Variants in ROBO2 observed in about 807,000 individuals in gnomAD.
The protein encoded by ROBO2 is roundabout guidance receptor 2, also known as roundabout homolog 2.
Under a neutral mutation model 160.8 loss-of-function variants are expected in ROBO2, and 53 were observed. The observed-to-expected ratio is 0.33, with a 90% CI of 0.26 to 0.41. ROBO2 has a LOEUF of 0.41. Ranked by LOEUF, ROBO2 falls within the 10% of genes least tolerant of loss-of-function variation. The pLI, the probability that ROBO2 is intolerant of heterozygous loss-of-function variation, is 1.00. For missense variants in ROBO2, 1,577 were observed against 1,722.4 expected (o/e 0.92, Z 1.49); for synonymous variants, 664 against 611.7 (o/e 1.09, Z -1.26).
chr3:77,283,778 A>G (rs1489987839), intron 2 of ROBO2, among the ~76,000 whole-genome samples: 2 of 152,122 alleles, frequency 1.3e-5, no homozygotes, highest in Non-Finnish European at 2.9e-5. Context: ...CTTTTTTTGC[A>G]GAAACTCCTT....
intron 2 of ROBO2, among the ~76,000 whole-genome samples, chr3:77,340,240 G>C (rs1355401414): frequency 6.6e-6 from 1 of 152,076 alleles, no homozygotes; most frequent in Non-Finnish European, 1.5e-5. Context: ...AATGCCTCCA[G>C]TTGGGTTTGC....
intron 2 of ROBO2, among the ~76,000 whole-genome samples, chr3:77,427,746 G>C (rs2078350130): frequency 6.6e-6 from 1 of 152,146 alleles, no homozygotes; most frequent in Non-Finnish European, 1.5e-5. Flanking sequence ...CATCTCACCT[G>C]AATCATTTAG....
Position 76,034,643 on chromosome 3 carries a change from G to T in ROBO2, c.109+97041G>T, listed in dbSNP as rs539068233. ...AAATTATACAATTCTACTTCCTAAT[G>T]CTTCCGCTACAGTAACTTCTTCTTG... On this transcript the variant is annotated intron_variant, in intron 2 of 26. Coordinates refer to the ROBO2 transcript ENST00000487694. Among the ~76,000 whole-genome samples the T allele has an allele frequency of 2.7e-5, 4 of 150,734 alleles. No homozygotes were observed. In the East Asian group the frequency reaches 7.7e-4, roughly 29 times the overall value.
intron 2 of ROBO2, among the ~76,000 whole-genome samples, chr3:75,956,347 C>A (rs1454670464): frequency 6.6e-6 from 1 of 151,544 alleles, no homozygotes; most frequent in Admixed American, 6.6e-5. Flanking sequence ...TAATGCCTTA[C>A]CTCTCGTCAA....
At chr3:76,708,247 G>C (rs2093212959) in intron 2 of ROBO2, among the ~76,000 whole-genome samples, 1 of 152,074 alleles carries the variant, frequency 6.6e-6, no homozygotes. Flanking sequence ...ACATGATTGA[G>C]GAAACGCTTT....
chr3:76,668,795 T>A (rs539121104), intron 2 of ROBO2, among the ~76,000 whole-genome samples: 2 of 151,464 alleles, frequency 1.3e-5, no homozygotes, highest in South Asian at 4.2e-4. Context: ...GTAGTAAGAA[T>A]GAGACTTGTT....
chr3:77,425,506 C>A (rs2078109140), intron 2 of ROBO2, among the ~76,000 whole-genome samples: 1 of 151,924 alleles, frequency 6.6e-6, no homozygotes, highest in Non-Finnish European at 1.5e-5. Context: ...AAGACAGGGA[C>A]AAAGTGCTAA....
At chr3:77,040,017 C>T (rs2063925822) in exon 1 of ROBO2, 1 of 795,954 alleles carries the variant, frequency 1.3e-6, no homozygotes, top group Non-Finnish European at 1.5e-6. Context: ...GGCGGCACCG[C>T]GGGGGTGTCT....
chr3:76,793,413 C>T (rs1433321816), intron 2 of ROBO2, among the ~76,000 whole-genome samples: 2 of 151,652 alleles, frequency 1.3e-5, no homozygotes, highest in South Asian at 2.1e-4. Context: ...ACTTTAGGTA[C>T]GAGGTTTGGT....
intron 2 of ROBO2, among the ~76,000 whole-genome samples, chr3:77,124,136 C>A (rs80300536): frequency 0.059 from 8,939 of 152,124 alleles, 342 homozygotes; most frequent in East Asian, 0.12. Flanking sequence ...TTTTCTGCTC[C>A]TTTCGTTCTG....
chr3:77,098,707 A>AG (rs750467763), intron 2 of ROBO2, among the ~76,000 whole-genome samples: 8 of 151,896 alleles, frequency 5.3e-5, no homozygotes, highest in Non-Finnish European at 1.0e-4. Context: ...GAAAAAAAAA[A>AG]TTATCCGGGC....
intron 2 of ROBO2, among the ~76,000 whole-genome samples, chr3:76,652,374 A>G (rs183770426): frequency 2.0e-5 from 3 of 152,284 alleles, no homozygotes; most frequent in South Asian, 4.1e-4. Flanking sequence ...CCCACTTTAT[A>G]GATGCAAAAG....
chr3:76,728,822 G>T (rs942920369), intron 2 of ROBO2, among the ~76,000 whole-genome samples: 1 of 152,148 alleles, frequency 6.6e-6, no homozygotes, highest in Non-Finnish European at 1.5e-5. Flanking sequence ...GTGCCAGAGG[G>T]CATCTTGATA....
chr3:76,757,609 T>A (rs78442626), intron 2 of ROBO2, among the ~76,000 whole-genome samples: 1 of 5,142 alleles, frequency 1.9e-4, no homozygotes, highest in African/African-American at 6.2e-4. Flanking sequence ...GTGGTTTATT[T>A]TTTTTTTAAG....
intron 2 of ROBO2, among the ~76,000 whole-genome samples, chr3:76,321,487 G>T (rs547556266): frequency 8.0e-6 from 1 of 124,734 alleles, no homozygotes; most frequent in African/African-American, 2.6e-5. Flanking sequence ...ACAGAGCGAG[G>T]CTCCATCTCA....
intron 2 of ROBO2, among the ~76,000 whole-genome samples, chr3:76,828,342 A>G (rs1052164315): frequency 6.6e-6 from 1 of 152,068 alleles, no homozygotes; most frequent in African/African-American, 2.4e-5. Context: ...TGAAATTTTA[A>G]TCAGTTAATT....
chr3:77,098,647 A>G (rs2071432390), intron 2 of ROBO2, among the ~76,000 whole-genome samples: 1 of 152,096 alleles, frequency 6.6e-6, no homozygotes, highest in Non-Finnish European at 1.5e-5. Context: ...GGAGATCGAG[A>G]CCATCCTGGG....
chr3:76,452,825 C>T (rs1374114986), intron 2 of ROBO2, among the ~76,000 whole-genome samples: 2 of 151,230 alleles, frequency 1.3e-5, no homozygotes, highest in Admixed American at 6.6e-5. Flanking sequence ...TCCACATCCT[C>T]TCCAGCACCT....
At chr3:76,691,329 C>T (rs1359312604) in intron 2 of ROBO2, among the ~76,000 whole-genome samples, 1 of 152,088 alleles carries the variant, frequency 6.6e-6, no homozygotes, top group East Asian at 1.9e-4. Context: ...CCTCCAGAAC[C>T]ATAAGCCAAA....
Sources: gnomAD v4.1 joint callset for allele counts (sites outside exome capture counted in the v4.1 genomes callset) on GRCh38, gnomAD v4.1.1 for gene constraint, MANE v1.5 for transcripts, NCBI Gene and HGNC (gene_info 2026-07-23, HGNC 2026-07-21) for gene names.